Variants in CDH10 observed in about 807,000 individuals in gnomAD.
The protein encoded by CDH10 is cadherin 10.
In CDH10, 30 loss-of-function variants were observed where a neutral mutation model predicts 73.1. That is an observed-to-expected ratio of 0.41 (90% CI 0.31 to 0.56). The LOEUF is 0.56. Among genes scored for constraint, CDH10 ranks in the 20% least tolerant of loss-of-function variants. The pLI, the probability that CDH10 is intolerant of heterozygous loss-of-function variation, is 0.27. For missense variants in CDH10, 815 were observed against 973.7 expected, an observed-to-expected ratio of 0.84 and a Z score of 2.17; for synonymous variants, 345 against 348.2, an observed-to-expected ratio of 0.99 and a Z score of 0.10.
In CDH10 at chr5:24,491,556, T is replaced by C. The variant is rs766362474; in HGVS notation, c.1876+20A>G. ...CTAAAGAGCCTAGAAAATGCTCCCA[T>C]TGTTTTTAAGGTTTCTTACCCAGTA... On this transcript the variant is annotated intron_variant, in intron 11 of 11. Coordinates refer to ENST00000264463, the MANE Select transcript of CDH10 (RefSeq NM_006727.5). 8.2e-6 allele frequency: 13 copies of C among 1,589,154 alleles called. No individual in the cohort carries two copies. In the East Asian group the frequency reaches 2.9e-4, roughly 36 times the overall value.
intron 5 of CDH10, among the ~76,000 whole-genome samples, chr5:24,529,650 A>C (rs1743656633): frequency 6.6e-6 from 1 of 151,980 alleles, no homozygotes; most frequent in African/African-American, 2.4e-5. Flanking sequence ...ATCTCACTTA[A>C]TTTGACATTG....
intron 6 of CDH10, 61 bp from the exon 7 acceptor site, chr5:24,509,880 CA>C: frequency 7.6e-7 from 1 of 1,315,942 alleles, no homozygotes; most frequent in Non-Finnish European, 1.1e-6. Context: ...TGCTCCCACC[CA>C]GTTACAGTAT....
intron 2 of CDH10, among the ~76,000 whole-genome samples, chr5:24,538,058 T>TTTTA (rs745413110): frequency 2.2e-4 from 34 of 152,152 alleles, no homozygotes; most frequent in Admixed American, 4.6e-4. Flanking sequence ...TATTCTTAAA[T>TTTTA]GGTGCAAAAC....
chr5:24,554,992 T>G (rs949227834), intron 2 of CDH10, among the ~76,000 whole-genome samples: 1 of 152,120 alleles, frequency 6.6e-6, no homozygotes, highest in African/African-American at 2.4e-5. Context: ...TTAATCCCTA[T>G]TTTTCCCAGA....
At chr5:24,535,374 T>C in intron 4 of CDH10, 95 bp from the exon 5 acceptor site, 1 of 1,150,784 alleles carries the variant, frequency 8.7e-7, no homozygotes, top group Admixed American at 2.5e-5. Flanking sequence ...CTAGTGATTT[T>C]TTTGAAAGAT....
rs552775665 is a variant in CDH10, at chr5:24,494,943, A to G, written c.1516-2018T>C. Among the ~76,000 whole-genome samples, 40 of 152,270 alleles carry G rather than the reference A, an allele frequency of 2.6e-4. 1 individual carries two copies. In the South Asian group the frequency reaches 8.3e-3, roughly 32 times the overall value. ...GCAGATGGAGGCACTTACATCCTTT[A>G]CAAGATAATAGGTTTTTTTTTCCTT... On this transcript the variant is annotated intron_variant, in intron 9 of 11. Transcript: ENST00000264463.
rs116759621 is a variant in CDH10, at chr5:24,577,300, G to A, written c.231+15960C>T. ...AGTACTAAAGTAACTGAAAATGATC[G>A]CAAGAGGGGAAGTGAGTTGTGGGAT... On this transcript the variant is annotated intron_variant, in intron 2 of 11. Coordinates refer to ENST00000264463, the MANE Select transcript of CDH10 (RefSeq NM_006727.5). Among the ~76,000 whole-genome samples, 255 of 152,178 alleles carry A rather than the reference G, an allele frequency of 1.7e-3. 2 individuals are homozygous for A. The highest frequency in any genetic ancestry group is 5.9e-3 in the African/African-American group (243 of 41,512).
chr5:24,636,661 C>A (rs1696241020), intron 1 of CDH10, among the ~76,000 whole-genome samples: 1 of 151,764 alleles, frequency 6.6e-6, no homozygotes, highest in South Asian at 2.1e-4. Context: ...TACCCCTGAA[C>A]CTAAAATAAA....
intron 5 of CDH10, 82 bp downstream of exon 5, chr5:24,535,030 T>C (rs2111874923): frequency 7.7e-7 from 1 of 1,302,990 alleles, no homozygotes; most frequent in East Asian, 2.5e-5. Flanking sequence ...ACAATTGCTT[T>C]TTCTTTTCTT....
At chr5:24,561,015 T>C (rs1422154349) in intron 2 of CDH10, among the ~76,000 whole-genome samples, 3 of 152,142 alleles carry the variant, frequency 2.0e-5, no homozygotes, top group Admixed American at 6.6e-5. Flanking sequence ...CTTGTTAAAA[T>C]AGGAATGACA....
chr5:24,558,284 T>C (rs9293135), intron 2 of CDH10, among the ~76,000 whole-genome samples: 125,469 of 151,450 alleles, frequency 0.83, 52,012 homozygotes, highest in East Asian at 0.9. Flanking sequence ...TATATAGAAA[T>C]TATATCTTTG....
chr5:24,506,069 C>A (rs796346836), intron 7 of CDH10, among the ~76,000 whole-genome samples: 12 of 147,738 alleles, frequency 8.1e-5, no homozygotes, highest in African/African-American at 2.8e-4. Context: ...GCCAAGATTG[C>A]GTGCCACTGC....
intron 1 of CDH10, among the ~76,000 whole-genome samples, chr5:24,602,469 T>G (rs955139161): frequency 6.6e-6 from 1 of 152,168 alleles, no homozygotes; most frequent in Non-Finnish European, 1.5e-5. Context: ...GGATAGCTGG[T>G]ATACCTTTTG....
At chr5:24,497,002 G>A (rs1263847499) in intron 9 of CDH10, among the ~76,000 whole-genome samples, 2 of 152,054 alleles carry the variant, frequency 1.3e-5, no homozygotes, top group Admixed American at 6.6e-5. Context: ...TTCCTATCAG[G>A]TGGGTCAAGA....
chr5:24,545,830 A>G (rs1181767579), intron 2 of CDH10, among the ~76,000 whole-genome samples: 1 of 152,128 alleles, frequency 6.6e-6, no homozygotes, highest in Non-Finnish European at 1.5e-5. Context: ...AAATAAAAAA[A>G]GGAAATATTT....
chr5:24,498,557 A>C (rs749111178), intron 8 of CDH10, 38 bp from the exon 9 acceptor site: 1 of 1,509,948 alleles, frequency 6.6e-7, no homozygotes. Context: ...TAGGAAGATA[A>C]ATTGGTGCAT....
chr5:24,601,863 A>ACACT (rs1746576752), intron 1 of CDH10, among the ~76,000 whole-genome samples: 1 of 152,146 alleles, frequency 6.6e-6, no homozygotes, highest in Non-Finnish European at 1.5e-5. Context: ...TTCTTCTCCA[A>ACACT]CACTCATTAC....
intron 1 of CDH10, among the ~76,000 whole-genome samples, chr5:24,621,695 C>T (rs1456028716): frequency 6.9e-6 from 1 of 145,422 alleles, no homozygotes; most frequent in Non-Finnish European, 1.5e-5. Flanking sequence ...CCTAGTTGAT[C>T]TCTCTCTCTC....
At chr5:24,512,310 T>C (rs1380914175) in intron 5 of CDH10, among the ~76,000 whole-genome samples, 2 of 152,326 alleles carry the variant, frequency 1.3e-5, no homozygotes, top group East Asian at 3.9e-4. Context: ...ACCAAGCGTG[T>C]ATTTTTTCAT....
Sources: allele counts gnomAD v4.1 joint callset (sites outside exome capture counted in the v4.1 genomes callset), GRCh38; gene constraint gnomAD v4.1.1; transcripts MANE v1.5; gene names NCBI Gene and HGNC (gene_info 2026-07-23, HGNC 2026-07-21).